The following RIMBP2 variants were observed in gnomAD, a reference collection of about 807,000 sequenced individuals.
RIMBP2 encodes the protein RIMS binding protein 2, also known as RIMS-binding protein 2.
Under a neutral mutation model 118.6 loss-of-function variants are expected in RIMBP2, and 48 were observed. That is an observed-to-expected ratio of 0.40 (90% confidence interval 0.32 to 0.51). The LOEUF is 0.51. Among genes scored for constraint, RIMBP2 ranks in the 20% least tolerant of loss-of-function variants. RIMBP2 has a pLI of 0.41. For synonymous variants in RIMBP2, 762 were observed against 742.9 expected (o/e 1.03, Z -0.42); for missense variants, 1,551 against 1,768.3 (o/e 0.88, Z 2.20).
chr12:130,679,283 C>G (rs964998783), intron 1 of RIMBP2, among the ~76,000 whole-genome samples: 1 of 152,198 alleles, frequency 6.6e-6, no homozygotes, highest in African/African-American at 2.4e-5. Context: ...ACTAATTCCC[C>G]TTTATCCAGT....
intron 2 of RIMBP2, among the ~76,000 whole-genome samples, chr12:130,530,508 T>C (rs1167548361): frequency 6.6e-6 from 1 of 152,154 alleles, no homozygotes; most frequent in East Asian, 1.9e-4. Flanking sequence ...GGGGACAATA[T>C]ATAGAAAACC....
At chr12:130,573,507 C>T (rs943928571) in intron 2 of RIMBP2, among the ~76,000 whole-genome samples, 4 of 151,974 alleles carry the variant, frequency 2.6e-5, no homozygotes, top group African/African-American at 4.8e-5. Flanking sequence ...GAGATATAGA[C>T]GTGATCAGAA....
intron 1 of RIMBP2, among the ~76,000 whole-genome samples, chr12:130,713,832 C>A (rs1003108885): frequency 6.6e-6 from 1 of 152,218 alleles, no homozygotes; most frequent in Admixed American, 6.5e-5. Flanking sequence ...GGCGTGCACT[C>A]AGCTTCATGT....
At chr12:130,635,847 C>T (rs898319082) in intron 1 of RIMBP2, among the ~76,000 whole-genome samples, 3 of 152,100 alleles carry the variant, frequency 2.0e-5, no homozygotes, top group African/African-American at 2.4e-5. Flanking sequence ...ACTCTACATT[C>T]CAGCTTCTGA....
rs1357302139 is a variant in RIMBP2 at position 130,691,923 on chromosome 12, G to A, written c.-352+24299C>T. ...TAGAGCGGGTCTGGAACATGGCAGG[G>A]GGACGGGTTTCTAGAACGAGGAGAA... On this transcript the variant is annotated intron_variant, in intron 1 of 22. Transcript: ENST00000690449. 2.6e-5 allele frequency among the ~76,000 whole-genome samples: 4 copies of A among 152,178 alleles called. No homozygotes were observed. In the South Asian group the frequency reaches 6.2e-4, roughly 24 times the overall value.
intron 1 of RIMBP2, among the ~76,000 whole-genome samples, chr12:130,637,236 C>T (rs571482954): frequency 3.0e-4 from 46 of 152,342 alleles, no homozygotes; most frequent in African/African-American, 1.1e-3. Flanking sequence ...CGCATCTCCC[C>T]ATCCCATCAC....
chr12:130,555,641 CG>C (rs2056278369), intron 2 of RIMBP2, among the ~76,000 whole-genome samples: 1 of 152,118 alleles, frequency 6.6e-6, no homozygotes, highest in Admixed American at 6.6e-5. Context: ...AAGATCTATC[CG>C]GGGCACAGGA....
In RIMBP2 at chr12:130,710,216, C is replaced by T. The variant is rs1005998661; in HGVS notation, c.-352+6006G>A. Among the ~76,000 whole-genome samples, 4 of 152,108 alleles carry T rather than the reference C, an allele frequency of 2.6e-5. No individual in the cohort carries two copies. The highest frequency in any genetic ancestry group is 2.6e-4 in the Admixed American group (4 of 15,280). On this transcript the variant is annotated intron_variant, in intron 1 of 22. Coordinates refer to ENST00000690449, the MANE Select transcript of RIMBP2 (RefSeq NM_001393629.1). This position sits in a 1 kb window ranked among gnomAD's most constrained non-coding sequence, Gnocchi z 4.3. ...CCATTCCTCCCTCTGCCCTCGGGGCCTGAACCTCTCTCCCAGGTGTCTGCA... is the reference window on the plus strand; with the variant it reads ...CCATTCCTCCCTCTGCCCTCGGGGCTTGAACCTCTCTCCCAGGTGTCTGCA...
chr12:130,398,900 T>A (rs181019965), intron 22 of RIMBP2: 1 of 290,530 alleles, frequency 3.4e-6, no homozygotes, highest in East Asian at 5.7e-5. Flanking sequence ...TAGGAAATGA[T>A]TATTAAAGAT....
chr12:130,633,606 A>G (rs868123544), intron 1 of RIMBP2, among the ~76,000 whole-genome samples: 2 of 152,204 alleles, frequency 1.3e-5, no homozygotes, highest in African/African-American at 4.8e-5. Flanking sequence ...TTGAGCCACA[A>G]TTAAGACCCA....
At chr12:130,452,481 G>A (rs1047397613) in intron 7 of RIMBP2, among the ~76,000 whole-genome samples, 6 of 152,216 alleles carry the variant, frequency 3.9e-5, no homozygotes, top group Admixed American at 2.6e-4. Context: ...ATGGCTCGGC[G>A]TGTAGCAGGT....
intron 4 of RIMBP2, among the ~76,000 whole-genome samples, chr12:130,501,038 G>A (rs758203386): frequency 2.0e-5 from 3 of 152,122 alleles, no homozygotes; most frequent in African/African-American, 4.8e-5. Flanking sequence ...ACGTGGTGAC[G>A]CCCTGACCCT....
At chr12:130,607,830 C>T (rs908206161) in intron 2 of RIMBP2, among the ~76,000 whole-genome samples, 10 of 151,860 alleles carry the variant, frequency 6.6e-5, no homozygotes, top group Non-Finnish European at 1.5e-4. Flanking sequence ...TTTTTACAGC[C>T]GCTTAGGTTC....
chr12:130,586,067 C>T (rs1485825255), intron 2 of RIMBP2, among the ~76,000 whole-genome samples: 1 of 152,224 alleles, frequency 6.6e-6, no homozygotes, highest in African/African-American at 2.4e-5. Flanking sequence ...TGACCACAGG[C>T]ACTTTCTGTG....
chr12:130,606,467 T>C (rs1053313155), intron 2 of RIMBP2, among the ~76,000 whole-genome samples: 2 of 152,308 alleles, frequency 1.3e-5, no homozygotes, highest in Admixed American at 6.5e-5. Context: ...GAGGCAGGTC[T>C]TTAGGTGGCT....
chr12:130,638,892 G>T (rs2062472737), intron 1 of RIMBP2, among the ~76,000 whole-genome samples: 1 of 152,158 alleles, frequency 6.6e-6, no homozygotes, highest in South Asian at 2.1e-4. Context: ...TTTGTCAAAA[G>T]CCATAGAATG....
chr12:130,437,451 C>T (rs1007949202), intron 12 of RIMBP2, among the ~76,000 whole-genome samples, 160 bp from the exon 13 acceptor site: 1 of 152,116 alleles, frequency 6.6e-6, no homozygotes, highest in Non-Finnish European at 1.5e-5. Context: ...TCCAGGAAGT[C>T]TTGCGGGGAG....
At chr12:130,700,580 T>TG (rs1018466668) in intron 1 of RIMBP2, among the ~76,000 whole-genome samples, 2 of 151,480 alleles carry the variant, frequency 1.3e-5, no homozygotes, top group Admixed American at 6.6e-5. Flanking sequence ...GAGGCAGAGG[T>TG]GGGGGCAGGG....
rs1358937249 is a variant in RIMBP2 at position 130,447,439 on chromosome 12, C to T, written c.582-2170G>A. Among the ~76,000 whole-genome samples, 4 of 152,022 alleles carry T rather than the reference C, an allele frequency of 2.6e-5. No individual in the cohort carries two copies. Among genetic ancestry groups the T allele is most frequent in the Non-Finnish European group, 5.9e-5 (4 of 68,018 alleles). ...AGGGGACACGTCGGGAATGGGGACT[C>T]AACAGAGACAGAAGTAGGTCAGGGG... On this transcript the variant is annotated intron_variant, in intron 9 of 22. Transcript: ENST00000690449. The surrounding 1 kb of genome is among the most constrained non-coding windows in gnomAD (Gnocchi z 4.4).
Sources: gnomAD v4.1 joint callset for allele counts (sites outside exome capture counted in the v4.1 genomes callset) on GRCh38, gnomAD v4.1.1 for gene constraint, Gnocchi (gnomAD v3.1) non-coding constraint, MANE v1.5 for transcripts, NCBI Gene and HGNC (gene_info 2026-07-23, HGNC 2026-07-21) for gene names.